The following SIPA1L3 variants were observed in gnomAD, a reference collection of about 807,000 sequenced individuals.
The protein encoded by SIPA1L3 is signal-induced proliferation-associated 1-like protein 3.
SIPA1L3 carries 59 observed loss-of-function variants against 150.1 expected under a neutral mutation model. The ratio of observed to expected loss-of-function variants is 0.39; its 90% CI spans 0.32 to 0.49. The LOEUF is 0.49. Among genes scored for constraint, SIPA1L3 ranks in the 20% least tolerant of loss-of-function variants. SIPA1L3 has a pLI of 0.86. For synonymous variants in SIPA1L3, 1,070 were observed against 1,077.6 expected, an observed-to-expected ratio of 0.99 and a Z score of 0.14; for missense variants, 2,211 against 2,489.5, an observed-to-expected ratio of 0.89 and a Z score of 2.38.
intron 8 of SIPA1L3, among the ~76,000 whole-genome samples, chr19:38,111,595 G>C (rs1233255644): frequency 6.6e-6 from 1 of 152,348 alleles, no homozygotes; most frequent in East Asian, 1.9e-4. Flanking sequence ...GGGTCTACCA[G>C]CTGCCTCCCT....
chr19:37,957,945 C>A (rs1191404221), intron 1 of SIPA1L3, among the ~76,000 whole-genome samples: 1 of 151,962 alleles, frequency 6.6e-6, no homozygotes, highest in Non-Finnish European at 1.5e-5. Context: ...AACTCCCAGG[C>A]CCAAACAGTC....
chr19:38,113,377 C>T (rs1970811084), intron 8 of SIPA1L3, among the ~76,000 whole-genome samples: 1 of 152,108 alleles, frequency 6.6e-6, no homozygotes, highest in Non-Finnish European at 1.5e-5. Context: ...CCTATAATCC[C>T]AGCACTTTGG....
At chr19:38,086,332 T>TAAA (rs564216584) in intron 3 of SIPA1L3, among the ~76,000 whole-genome samples, 2 of 148,142 alleles carry the variant, frequency 1.4e-5, no homozygotes, top group African/African-American at 5.0e-5. Context: ...CCTGGAGCTT[T>TAAA]AAAAAAAAAA....
At position 38,192,245 on chromosome 19, in the gene SIPA1L3, G is replaced by A. The variant is rs768560161; in HGVS notation, c.4531G>A (p.Glu1511Lys). ...SPRKNYKSTIEDDLKKLIIMD... is the reference protein window; with the variant it reads ...SPRKNYKSTIKDDLKKLIIMD... The stretch of plus-strand genomic sequence containing the variant: ...ACGGAAGAACTACAAATCCACCATC[G>A]AGGATGACCTGAAGAAACTCATCAT... Residue 1511 changes from glutamate (E) to lysine (K), a missense_variant, in exon 17 of 22, where the codon GAG (glutamate) becomes AAG (lysine). Glu to Lys is a moderately conservative substitution (Grantham distance 56, BLOSUM62 1). This residue lies in a region of SIPA1L3 where 806 missense variants were observed against 870.1 expected (regional missense o/e 0.93). Coordinates refer to ENST00000222345, the MANE Select transcript of SIPA1L3 (RefSeq NM_015073.3). 7.9e-5 allele frequency: 127 copies of A among 1,613,404 alleles called. No homozygotes were observed. The highest frequency in any genetic ancestry group is 1.1e-4 in the Non-Finnish European group (125 of 1,179,788).
chr19:38,065,930 T>TTTATTTATTTAC (rs1180029850), intron 2 of SIPA1L3, among the ~76,000 whole-genome samples: 4 of 146,924 alleles, frequency 2.7e-5, no homozygotes, highest in Non-Finnish European at 4.5e-5. Context: ...TATTTATTTA[T>TTTATTTATTTAC]TTATTTATTT....
At chr19:37,984,951 A>C (rs62120135) in intron 1 of SIPA1L3, among the ~76,000 whole-genome samples, 31,139 of 152,094 alleles carry the variant, frequency 0.2, 3,464 homozygotes, top group South Asian at 0.25. Context: ...TGTGCTAAAC[A>C]CTGTTTCAAG....
chr19:38,161,521 G>A (rs111653975), intron 13 of SIPA1L3, among the ~76,000 whole-genome samples: 3 of 151,526 alleles, frequency 2.0e-5, no homozygotes, highest in South Asian at 2.1e-4. Flanking sequence ...TCAGGAGTTC[G>A]AGACCAGCCT....
At chr19:38,158,245 A>G (rs1042777362) in intron 13 of SIPA1L3, among the ~76,000 whole-genome samples, 2 of 152,204 alleles carry the variant, frequency 1.3e-5, no homozygotes, top group East Asian at 3.8e-4. Flanking sequence ...AGAAAAAAAA[A>G]GTGGAAACTG....
intron 1 of SIPA1L3, among the ~76,000 whole-genome samples, chr19:37,994,166 T>C (rs549478251): frequency 1.3e-5 from 2 of 152,306 alleles, no homozygotes; most frequent in East Asian, 3.9e-4. Context: ...CCTCCCAAAG[T>C]GCTGGGATTA....
chr19:38,206,143 G>A lies in SIPA1L3; in HGVS notation c.5249G>A (p.Arg1750Gln), dbSNP rs142497465. 166 of 1,551,106 alleles carry A rather than the reference G, an allele frequency of 1.1e-4. No individual in the cohort carries two copies. The highest frequency in any genetic ancestry group is 1.4e-4 in the Non-Finnish European group (157 of 1,146,870). The change falls in exon 22 of 22, where the codon CGG becomes CAG. Residue 1750 changes from arginine to glutamine, a missense_variant. Physicochemically the swap from Arg to Gln is conservative, Grantham distance 43. Coordinates refer to ENST00000222345, the MANE Select transcript of SIPA1L3 (RefSeq NM_015073.3). The stretch of plus-strand genomic sequence containing the variant: ...CTCCAGTCAGAGGTGGCCAGCCTGC[G>A]GCAGAACAACCAGCGGCTGCAGGAG... The part of the protein sequence containing the change: ...VVLQSEVASL[R>Q]QNNQRLQEES...
At chr19:38,021,838 A>AC (rs1393503505) in intron 1 of SIPA1L3, among the ~76,000 whole-genome samples, 4 of 152,130 alleles carry the variant, frequency 2.6e-5, no homozygotes, top group African/African-American at 9.7e-5. Context: ...GAGCCACTGC[A>AC]CCCCGCGTAT....
At chr19:38,018,221 T>G (rs1243520080) in intron 1 of SIPA1L3, among the ~76,000 whole-genome samples, 1 of 136,646 alleles carries the variant, frequency 7.3e-6, no homozygotes, top group East Asian at 2.2e-4. Flanking sequence ...TGGAGTGCAG[T>G]GGTATGATCT....
intron 1 of SIPA1L3, among the ~76,000 whole-genome samples, chr19:37,954,665 G>A (rs1360680505): frequency 6.6e-6 from 1 of 152,120 alleles, no homozygotes; most frequent in Non-Finnish European, 1.5e-5. Context: ...GAAGCCTCTC[G>A]GCTTTAAGAA....
intron 2 of SIPA1L3, among the ~76,000 whole-genome samples, chr19:38,080,745 G>C (rs1245819666): frequency 6.6e-6 from 1 of 151,902 alleles, no homozygotes; most frequent in African/African-American, 2.4e-5. Flanking sequence ...AGGCGGGCGG[G>C]GATTGCCTGA....
Position 38,193,688 on chromosome 19 carries a change from C to CGCT in SIPA1L3, c.4751_4753dup (p.Leu1584dup). 2 of 1,575,804 alleles carry CGCT rather than the reference C, an allele frequency of 1.3e-6. No homozygotes were observed. Among genetic ancestry groups the CGCT allele is most frequent in the South Asian group, 2.3e-5 (2 of 87,804 alleles). ...AGCACCTGCGCCTTCCCGTCCAGCACGCTGCCTGCACGCCGCCAGCACCAG... is the reference window on the plus strand; with the variant it reads ...AGCACCTGCGCCTTCCCGTCCAGCACGCTGCTGCCTGCACGCCGCCAGCACCAG... On this transcript the variant is annotated inframe_insertion, in exon 18 of 22. Coordinates refer to ENST00000222345, the MANE Select transcript of SIPA1L3 (RefSeq NM_015073.3).
At chr19:37,948,883 C>T (rs1380417626) in intron 1 of SIPA1L3, among the ~76,000 whole-genome samples, 1 of 152,224 alleles carries the variant, frequency 6.6e-6, no homozygotes, top group African/African-American at 2.4e-5. Context: ...AAGGCACATT[C>T]CAGGCAGGAC....
Position 38,124,422 on chromosome 19 carries a change from T to C in SIPA1L3, c.2868+4540T>C, listed in dbSNP as rs1288662859. ...GACGATGGGCGGCCGGGCAGAGACG[T>C]TCCTCACTTCCTAGATGGGATGGCG... On this transcript the variant is annotated intron_variant, in intron 9 of 21. Transcript: ENST00000222345. Among the ~76,000 whole-genome samples the C allele has an allele frequency of 2.8e-3, 378 of 134,286 alleles. 7 individuals carry two copies. The highest frequency in any genetic ancestry group is 0.011 in the African/African-American group (366 of 33,492). 88.1% of individuals were successfully genotyped at this position (134,286 alleles called of 152,430 possible).
At chr19:38,073,911 T>C (rs1969777098) in intron 2 of SIPA1L3, among the ~76,000 whole-genome samples, 1 of 152,218 alleles carries the variant, frequency 6.6e-6, no homozygotes, top group Non-Finnish European at 1.5e-5. Context: ...GGGAAGCACT[T>C]CTGCCAAAGA....
At chr19:37,936,999 ACT>A in intron 1 of SIPA1L3, among the ~76,000 whole-genome samples, 1 of 152,264 alleles carries the variant, frequency 6.6e-6, no homozygotes, top group South Asian at 2.1e-4. Context: ...TCACTGTGAC[ACT>A]TAGGCTGGAA....
Sources: gnomAD v4.1 joint callset for allele counts (sites outside exome capture counted in the v4.1 genomes callset) on GRCh38, gnomAD v4.1.1 for gene constraint, gnomAD v4.1.1 regional missense constraint, MANE v1.5 for transcripts, NCBI Gene and HGNC (gene_info 2026-07-23, HGNC 2026-07-21) for gene names.